The following PARD3 variants were observed in gnomAD, a reference collection of about 807,000 sequenced individuals.
PARD3 encodes the protein partitioning defective 3 homolog.
In PARD3, 75 loss-of-function variants were observed where a neutral mutation model predicts 155.4. The observed-to-expected ratio is 0.48, with a 90% confidence interval of 0.40 to 0.58. The LOEUF is 0.58. Ranked by LOEUF, PARD3 falls within the 20% of genes least tolerant of loss-of-function variation. PARD3 has a pLI of 0.00. For missense variants in PARD3, 1,642 were observed against 1,721.7 expected, an observed-to-expected ratio of 0.95 and a Z score of 0.82; for synonymous variants, 576 against 610.5, an observed-to-expected ratio of 0.94 and a Z score of 0.83.
intron 22 of PARD3, among the ~76,000 whole-genome samples, chr10:34,145,211 A>T (rs1200913580): frequency 1.6e-3 from 106 of 64,548 alleles, no homozygotes; most frequent in African/African-American, 8.6e-3. Flanking sequence ...ATATATATAT[A>T]TATATATATA....
chr10:34,482,186 C>A (rs1426659767), intron 3 of PARD3, among the ~76,000 whole-genome samples: 1 of 151,744 alleles, frequency 6.6e-6, no homozygotes, highest in African/African-American at 2.4e-5. Context: ...AGGTGCCCCC[C>A]ACCATGCCCA....
intron 2 of PARD3, among the ~76,000 whole-genome samples, chr10:34,522,548 T>C (rs572370325): frequency 2.1e-4 from 32 of 152,278 alleles, no homozygotes; most frequent in African/African-American, 7.2e-4. Flanking sequence ...TGATGGATGA[T>C]AAATACGTTC....
rs147204360 is a variant in PARD3, at chr10:34,431,820, C to A, written c.714+18497G>T. Among the ~76,000 whole-genome samples, 119 of 143,310 alleles carry A rather than the reference C, an allele frequency of 8.3e-4. 2 individuals are homozygous for A. In the South Asian group the frequency reaches 0.018, roughly 22 times the overall value. 94.0% of individuals were successfully genotyped at this position (143,310 alleles called of 152,430 possible). A position where few individuals can be genotyped will look rare whatever the true frequency, so the allele number is the denominator to read the frequency against. ...ATCCCAGCAGTTTGGGAGGCCGAGG[C>A]GGGTGGATCATTAGGTCAGAAGATC... is the stretch of plus-strand genomic sequence containing the variant. On this transcript the variant is annotated intron_variant, in intron 5 of 24. Transcript: ENST00000374788.
intron 22 of PARD3, among the ~76,000 whole-genome samples, chr10:34,157,081 C>T (rs913543141): frequency 1.1e-4 from 16 of 152,182 alleles, no homozygotes; most frequent in Non-Finnish European, 8.8e-5. Flanking sequence ...CTTAAAAACC[C>T]TGAGAATAGT....
At chr10:34,700,046 A>G (rs986991684) in intron 1 of PARD3, among the ~76,000 whole-genome samples, 3 of 152,236 alleles carry the variant, frequency 2.0e-5, no homozygotes, top group Non-Finnish European at 4.4e-5. Context: ...ATAACAAAAG[A>G]GTTAAACACT....
At chr10:34,753,121 A>C (rs180832109) in intron 1 of PARD3, among the ~76,000 whole-genome samples, 1 of 152,164 alleles carries the variant, frequency 6.6e-6, no homozygotes, top group Non-Finnish European at 1.5e-5. Context: ...TCTGAAAAGC[A>C]CCTCGATTCT....
chr10:34,519,246 A>T (rs986398354), intron 2 of PARD3, among the ~76,000 whole-genome samples: 1 of 152,160 alleles, frequency 6.6e-6, no homozygotes, highest in African/African-American at 2.4e-5. Flanking sequence ...CAGAATTCTA[A>T]TGAGATCTGA....
At chr10:34,361,415 A>C (rs1339039346) in intron 12 of PARD3, among the ~76,000 whole-genome samples, 1 of 152,246 alleles carries the variant, frequency 6.6e-6, no homozygotes, top group Non-Finnish European at 1.5e-5. Flanking sequence ...GTAGGAATAT[A>C]TACTTTAAAC....
chr10:34,726,089 C>A (rs1238834689), intron 1 of PARD3, among the ~76,000 whole-genome samples: 1 of 152,200 alleles, frequency 6.6e-6, no homozygotes, highest in African/African-American at 2.4e-5. Context: ...TCAACAGATG[C>A]CATATAACTT....
intron 1 of PARD3, among the ~76,000 whole-genome samples, chr10:34,731,422 G>A (rs572302942): frequency 9.9e-5 from 15 of 152,278 alleles, no homozygotes; most frequent in East Asian, 1.9e-4. Flanking sequence ...CTGCTCTAGC[G>A]CTGACTAGAC....
intron 22 of PARD3, among the ~76,000 whole-genome samples, chr10:34,151,579 CTCAAAT>C (rs1270299635): frequency 6.6e-6 from 1 of 152,134 alleles, no homozygotes; most frequent in Non-Finnish European, 1.5e-5. Flanking sequence ...TGAGACCACA[CTCAAAT>C]TCAATCCATA....
chr10:34,805,638 G>A (rs1588846045), intron 1 of PARD3, among the ~76,000 whole-genome samples: 1 of 151,254 alleles, frequency 6.6e-6, no homozygotes, highest in East Asian at 2.0e-4. Flanking sequence ...AGTCACTTCT[G>A]AGCATGATGT....
At chr10:34,718,807 T>C (rs1417697139) in intron 1 of PARD3, among the ~76,000 whole-genome samples, 2 of 151,926 alleles carry the variant, frequency 1.3e-5, no homozygotes, top group Non-Finnish European at 2.9e-5. Flanking sequence ...TACTAAAAAA[T>C]ACAAAAATTA....
At chr10:34,697,079 A>C (rs1005987683) in intron 1 of PARD3, among the ~76,000 whole-genome samples, 1 of 147,004 alleles carries the variant, frequency 6.8e-6, no homozygotes, top group Non-Finnish European at 1.5e-5. Context: ...TGCAGTGGTT[A>C]TCCTGCAGTG....
intron 2 of PARD3, among the ~76,000 whole-genome samples, chr10:34,520,315 G>C (rs934210644): frequency 6.6e-6 from 1 of 152,088 alleles, no homozygotes; most frequent in African/African-American, 2.4e-5. Flanking sequence ...GGAAGAACCA[G>C]TACCAGGGTT....
intron 2 of PARD3, among the ~76,000 whole-genome samples, chr10:34,524,821 G>A (rs1238067384): frequency 1.3e-5 from 2 of 152,190 alleles, no homozygotes; most frequent in Non-Finnish European, 2.9e-5. Flanking sequence ...GAAGTGGCAC[G>A]AGTTGTGATT....
At chr10:34,579,572 G>GTA (rs1554775631) in intron 2 of PARD3, among the ~76,000 whole-genome samples, 4 of 149,546 alleles carry the variant, frequency 2.7e-5, no homozygotes, top group East Asian at 2.0e-4. Context: ...GTGTGTGTGT[G>GTA]TGTGTGTGTG....
chr10:34,506,772 A>G (rs556600529), intron 3 of PARD3, among the ~76,000 whole-genome samples: 1 of 152,352 alleles, frequency 6.6e-6, no homozygotes, highest in Non-Finnish European at 1.5e-5. Context: ...TAATTTTACA[A>G]CAAAAATCAC....
At chr10:34,305,411 C>T (rs1487502918) in intron 20 of PARD3, among the ~76,000 whole-genome samples, 1 of 152,222 alleles carries the variant, frequency 6.6e-6, no homozygotes, top group African/African-American at 2.4e-5. Flanking sequence ...GGGAGGCCTT[C>T]CACCTGCTCA....
Sources: allele counts gnomAD v4.1 joint callset (sites outside exome capture counted in the v4.1 genomes callset), GRCh38; gene constraint gnomAD v4.1.1; transcripts MANE v1.5; gene names NCBI Gene and HGNC (gene_info 2026-07-23, HGNC 2026-07-21).